Variants in ST6GAL2 observed in about 807,000 individuals in gnomAD.
ST6GAL2 encodes the protein ST6 beta-galactoside alpha-2,6-sialyltransferase 2, also known as beta-galactoside alpha-2,6-sialyltransferase 2.
Under a neutral mutation model 37.5 loss-of-function variants are expected in ST6GAL2, and 24 were observed. The ratio of observed to expected loss-of-function variants is 0.64; its 90% CI spans 0.46 to 0.90. The LOEUF is 0.90. Among genes scored for constraint, ST6GAL2 ranks in the 40% least tolerant of loss-of-function variants. ST6GAL2 has a pLI of 0.00. For synonymous variants in ST6GAL2, 306 were observed against 295.1 expected, an observed-to-expected ratio of 1.04 and a Z score of -0.38; for missense variants, 715 against 712.7, an observed-to-expected ratio of 1.00 and a Z score of -0.04.
Position 106,843,242 on chromosome 2 carries a change from G to C in ST6GAL2, c.736C>G (p.Leu246Val). 1.3e-6 allele frequency: 2 copies of C among 1,585,158 alleles called. No individual in the cohort carries two copies. Among genetic ancestry groups the C allele is most frequent in the Non-Finnish European group, 1.7e-6 (2 of 1,165,394 alleles). The change falls in exon 2 of 6, where the codon CTG becomes GTG. Residue 246 changes from leucine (L) to valine (V), a missense_variant. Around this residue, in one of 3 missense-constraint regions of ST6GAL2, gnomAD observed 512 missense variants for 488.8 expected, o/e 1.05. Transcript: ENST00000409382. ...TGGCACAGCAGCTGTGCCCTGCTCA[G>C]CCCGGCCTCCCGCTTCCCGCGGAAG... ...VRFRGKREAGLSRAQLLCQLR... is the reference protein window; with the variant it reads ...VRFRGKREAGVSRAQLLCQLR...
At chr2:106,878,597 T>C (rs957664206) in intron 1 of ST6GAL2, among the ~76,000 whole-genome samples, 2 of 152,188 alleles carry the variant, frequency 1.3e-5, no homozygotes, top group Non-Finnish European at 2.9e-5. Context: ...CCCCTATCTC[T>C]CAAATAGAAA....
rs777398200 is a variant in ST6GAL2 at position 106,832,558 on chromosome 2, C to T, written c.1143+7G>A. 8 of 1,521,372 alleles carry T rather than the reference C, an allele frequency of 5.3e-6. No individual in the cohort carries two copies. The highest frequency in any genetic ancestry group is 7.2e-6 in the Non-Finnish European group (8 of 1,115,684). The allele number at this position is 1,521,372 out of a possible 1,614,324, so 94.2% of individuals were successfully genotyped here. A position where few individuals can be genotyped will look rare whatever the true frequency, so the allele number is the denominator to read the frequency against. On this transcript the variant is annotated splice_region_variant and intron_variant, in intron 4 of 5. Transcript: ENST00000409382. ...GTTGGGGTGGGCAAATCCAGGGAAA[C>T]ACTTACCAGGTTAAGATTTGCGGAA...
rs756372578 is a variant in ST6GAL2, at chr2:106,824,690, G to A, written c.1318+5376C>T. Among the ~76,000 whole-genome samples, 9 of 152,140 alleles carry A rather than the reference G, an allele frequency of 5.9e-5. No individual in the cohort carries two copies. In the East Asian group the frequency reaches 9.7e-4, roughly 16 times the overall value. Reference sequence around the variant, plus strand: ...GCTGGAATATAGGATTTAATGTTACGGAATTTCAAAAGATGAAAATATACA... The same window carrying A: ...GCTGGAATATAGGATTTAATGTTACAGAATTTCAAAAGATGAAAATATACA... On this transcript the variant is annotated intron_variant, in intron 5 of 5. Transcript: ENST00000409382.
chr2:106,827,859 C>T (rs976204023), intron 5 of ST6GAL2, among the ~76,000 whole-genome samples: 2 of 152,108 alleles, frequency 1.3e-5, no homozygotes, highest in Non-Finnish European at 2.9e-5. Context: ...TTAGTATTTC[C>T]ATTTCTCATC....
At position 106,882,609 on chromosome 2, in the gene ST6GAL2, G is replaced by C. The variant is rs543765664; in HGVS notation, c.-58+3484C>G. ...AGTTTTGTGGAATCTCACACCAGAA[G>C]ACATGTGGGAAAGGATTTAATATAA... On this transcript the variant is annotated intron_variant, in intron 1 of 5. Coordinates refer to ENST00000409382, the MANE Select transcript of ST6GAL2 (RefSeq NM_001142351.2). Among the ~76,000 whole-genome samples, 5 of 152,312 alleles carry C rather than the reference G, an allele frequency of 3.3e-5. No individual in the cohort carries two copies. In the East Asian group the frequency reaches 5.8e-4, roughly 18 times the overall value.
intron 1 of ST6GAL2, among the ~76,000 whole-genome samples, chr2:106,879,840 A>G (rs1678673180): frequency 6.8e-6 from 1 of 147,916 alleles, no homozygotes; most frequent in Non-Finnish European, 1.5e-5. Flanking sequence ...ATTAATCTAT[A>G]TATAATCTAT....
At chr2:106,825,885 C>T (rs544280345) in intron 5 of ST6GAL2, among the ~76,000 whole-genome samples, 18 of 152,276 alleles carry the variant, frequency 1.2e-4, no homozygotes, top group African/African-American at 4.3e-4. Flanking sequence ...GACAGTGACC[C>T]TTACCTTCCT....
At chr2:106,857,625 C>CA (rs913051672) in intron 1 of ST6GAL2, among the ~76,000 whole-genome samples, 8 of 151,426 alleles carry the variant, frequency 5.3e-5, no homozygotes, top group Non-Finnish European at 7.4e-5. Context: ...AAAACAAAAC[C>CA]AAAAAAAACC....
intron 5 of ST6GAL2, among the ~76,000 whole-genome samples, chr2:106,828,545 T>C (rs1676290842): frequency 6.6e-6 from 1 of 152,196 alleles, no homozygotes; most frequent in African/African-American, 2.4e-5. Flanking sequence ...AAATTATATG[T>C]AAAATATTTC....
chr2:106,833,698 C>T (rs1318081089), intron 3 of ST6GAL2, among the ~76,000 whole-genome samples: 2 of 152,074 alleles, frequency 1.3e-5, no homozygotes, highest in African/African-American at 4.8e-5. Context: ...TGCTTTTCTC[C>T]CCTTTATCCT....
intron 5 of ST6GAL2, among the ~76,000 whole-genome samples, chr2:106,812,067 GT>G (rs1179947062): frequency 1.3e-5 from 2 of 152,162 alleles, no homozygotes; most frequent in Non-Finnish European, 2.9e-5. Context: ...TAATGTGATG[GT>G]ATTAGGAAGT....
intron 1 of ST6GAL2, among the ~76,000 whole-genome samples, chr2:106,862,544 A>G (rs542129335): frequency 1.1e-4 from 16 of 152,330 alleles, no homozygotes; most frequent in African/African-American, 3.4e-4. Flanking sequence ...AATACCCTAA[A>G]AATGTTCTGG....
intron 1 of ST6GAL2, among the ~76,000 whole-genome samples, chr2:106,875,274 C>A (rs1191758501): frequency 6.6e-6 from 1 of 151,228 alleles, no homozygotes; most frequent in Non-Finnish European, 1.5e-5. Flanking sequence ...CTCCCAGGAT[C>A]AAGCAATGCC....
chr2:106,837,355 G>A (rs1676690462), intron 2 of ST6GAL2, among the ~76,000 whole-genome samples: 2 of 152,100 alleles, frequency 1.3e-5, no homozygotes, highest in African/African-American at 4.8e-5. Context: ...CCTGACTTGT[G>A]CTAAGAAGCC....
At chr2:106,873,304 C>T (rs1400445675) in intron 1 of ST6GAL2, among the ~76,000 whole-genome samples, 1 of 152,130 alleles carries the variant, frequency 6.6e-6, no homozygotes, top group Non-Finnish European at 1.5e-5. Flanking sequence ...TGGGGTTGGG[C>T]TAAACCCAAG....
chr2:106,865,120 A>G (rs1677969311), intron 1 of ST6GAL2, among the ~76,000 whole-genome samples: 1 of 152,232 alleles, frequency 6.6e-6, no homozygotes, highest in Non-Finnish European at 1.5e-5. Flanking sequence ...AACTTCCGAG[A>G]GCGCAGATAA....
At chr2:106,861,419 G>A (rs1677791154) in intron 1 of ST6GAL2, among the ~76,000 whole-genome samples, 1 of 152,098 alleles carries the variant, frequency 6.6e-6, no homozygotes, top group Non-Finnish European at 1.5e-5. Flanking sequence ...ATATTTAATT[G>A]TGTGTCTGTG....
chr2:106,812,329 A>G (rs540242829), intron 5 of ST6GAL2, among the ~76,000 whole-genome samples: 1 of 152,352 alleles, frequency 6.6e-6, no homozygotes, highest in Non-Finnish European at 1.5e-5. Flanking sequence ...GGTATTTCTT[A>G]TAGCAGCCAG....
chr2:106,871,665 T>C (rs928940598), intron 1 of ST6GAL2, among the ~76,000 whole-genome samples: 1 of 152,192 alleles, frequency 6.6e-6, no homozygotes, highest in Non-Finnish European at 1.5e-5. Context: ...ACCCACAAAT[T>C]AGCCTAGGCC....
Sources: gnomAD v4.1 joint callset for allele counts (sites outside exome capture counted in the v4.1 genomes callset) on GRCh38, gnomAD v4.1.1 for gene constraint, gnomAD v4.1.1 regional missense constraint, MANE v1.5 for transcripts, NCBI Gene and HGNC (gene_info 2026-07-23, HGNC 2026-07-21) for gene names.